The following CASZ1 variants were observed in gnomAD, a reference collection of about 807,000 sequenced individuals.
CASZ1 encodes the protein castor zinc finger 1.
In CASZ1, 28 loss-of-function variants were observed where a neutral mutation model predicts 135.2. That is an observed-to-expected ratio of 0.21 (90% CI 0.15 to 0.28). The LOEUF (loss-of-function observed/expected upper bound fraction) is 0.28, where lower values mean the gene tolerates loss of function less well. CASZ1 is among the 10% of genes least tolerant of loss of function. CASZ1 has a pLI of 1.00. For synonymous variants in CASZ1, 1,068 were observed against 1,073.4 expected, an observed-to-expected ratio of 0.99 and a Z score of 0.10; for missense variants, 2,161 against 2,453.3, an observed-to-expected ratio of 0.88 and a Z score of 2.52.
Position 10,739,987 on chromosome 1 carries a change from G to A in CASZ1, c.-77+20714C>T, listed in dbSNP as rs1377222728. Among the ~76,000 whole-genome samples the A allele has an allele frequency of 6.6e-6, 1 of 152,180 alleles. No homozygotes were observed. Among genetic ancestry groups the A allele is most frequent in the Non-Finnish European group, 1.5e-5 (1 of 68,044 alleles). On this transcript the variant is annotated intron_variant, in intron 2 of 20. Coordinates refer to ENST00000377022, the MANE Select transcript of CASZ1 (RefSeq NM_001079843.3). The surrounding 1 kb of genome is among the most constrained non-coding windows in gnomAD (Gnocchi z 4.8). ...AGCCCATGGACAAGGTCTCATTCCA[G>A]TGGCCCGGTGTCACAGCGTGTCCTC...
intron 17 of CASZ1, 60 bp from the exon 18 acceptor site, chr1:10,645,148 C>T: frequency 7.2e-6 from 11 of 1,520,362 alleles, no homozygotes; most frequent in Non-Finnish European, 9.9e-6. Flanking sequence ...TCCTGCCTGC[C>T]CCGGGCCTGA....
chr1:10,671,620 C>T (rs987220539), intron 4 of CASZ1, among the ~76,000 whole-genome samples: 1 of 152,158 alleles, frequency 6.6e-6, no homozygotes, highest in Non-Finnish European at 1.5e-5. Context: ...CTGCCAAACC[C>T]AAAGGGCCCA....
At chr1:10,748,192 G>A (rs893141464) in intron 2 of CASZ1, among the ~76,000 whole-genome samples, 1 of 152,166 alleles carries the variant, frequency 6.6e-6, no homozygotes, top group Non-Finnish European at 1.5e-5. Flanking sequence ...TGATTGCCAG[G>A]CCCGGCCTGT....
In CASZ1 at chr1:10,640,040, C is replaced by T. The variant is rs1195280769; in HGVS notation, c.4182G>A (p.Pro1394=). The T allele has an allele frequency of 6.2e-7, 1 of 1,608,036 alleles. No homozygotes were observed. The highest frequency in any genetic ancestry group is 2.2e-5 in the East Asian group (1 of 44,864). Reference sequence around the variant, plus strand: ...AGCGCTTTTTGGCCCCCGAGGCTGTCGGCATAGAGATGGTGTTCCCTGGGG... The same window carrying T: ...AGCGCTTTTTGGCCCCCGAGGCTGTTGGCATAGAGATGGTGTTCCCTGGGG... ...STAAGNTISM[P]TASGAKKRFW... is the part of the protein sequence containing the mutation. The change falls in exon 21 of 21, where the codon CCG becomes CCA. Residue 1394 remains proline (P), a synonymous_variant. Transcript: ENST00000377022.
chr1:10,790,857 C>T (rs558357683), intron 1 of CASZ1, among the ~76,000 whole-genome samples: 1 of 151,500 alleles, frequency 6.6e-6, no homozygotes, highest in South Asian at 2.1e-4. Flanking sequence ...CGAGCGAGCC[C>T]TGGAGAATAT....
At chr1:10,702,348 A>G (rs1382079239) in intron 3 of CASZ1, among the ~76,000 whole-genome samples, 1 of 152,160 alleles carries the variant, frequency 6.6e-6, no homozygotes, top group African/African-American at 2.4e-5. Context: ...AGGCCAGTGA[A>G]GGTCAGAGAT....
At chr1:10,748,610 T>C (rs1640092575) in intron 2 of CASZ1, among the ~76,000 whole-genome samples, 2 of 152,142 alleles carry the variant, frequency 1.3e-5, no homozygotes, top group African/African-American at 2.4e-5. Context: ...TCTCTCTCCA[T>C]GGTACCTCTT....
Position 10,665,477 on chromosome 1 carries a change from C to T in CASZ1, c.111G>A (p.Lys37=). ...GGLKLNAICA[K]LSRQVVVEKR... is the part of the protein sequence containing the mutation. Reference sequence around the variant, plus strand: ...TCTCCACCACCACCTGGCGGCTCAGCTTGGCGCAGATGGCGTTCAGCTTCA... The same window carrying T: ...TCTCCACCACCACCTGGCGGCTCAGTTTGGCGCAGATGGCGTTCAGCTTCA... The change falls in exon 5 of 21, where the codon AAG becomes AAA. Residue 37 remains lysine (K), a synonymous_variant. Transcript: ENST00000377022. 1 of 1,608,646 alleles carries T rather than the reference C, an allele frequency of 6.2e-7. No individual in the cohort carries two copies. Among genetic ancestry groups the T allele is most frequent in the Non-Finnish European group, 8.5e-7 (1 of 1,179,742 alleles).
At position 10,638,084 on chromosome 1, in the gene CASZ1, G is replaced by T. The variant is rs1185513323; in HGVS notation, c.*858C>A. The T allele has an allele frequency of 6.6e-6, 1 of 152,326 alleles. No homozygotes were observed. Among genetic ancestry groups the T allele is most frequent in the Non-Finnish European group, 1.5e-5 (1 of 68,036 alleles). The allele number at this position is 152,326 out of a possible 1,614,324, so 9.4% of individuals were successfully genotyped here. On this transcript the variant is annotated 3_prime_UTR_variant, in exon 21 of 21. Coordinates refer to ENST00000377022, the MANE Select transcript of CASZ1 (RefSeq NM_001079843.3). This position sits in a 1 kb window ranked among gnomAD's most constrained non-coding sequence, Gnocchi z 5.9. ...TCCAACCTCAGGCCGGGCCCAGGCG[G>T]GTCTGCACTCTCACCACGCCTGCTT...
chr1:10,638,931 C>T lies in CASZ1; in HGVS notation c.*11G>A. ...GGCCGAGGCCGCCGCCAGGGCCACC[C>T]GCGGGCGCCGCTAGGGCGAGGAGGC... On this transcript the variant is annotated 3_prime_UTR_variant, in exon 21 of 21. Transcript: ENST00000377022. This position sits in a 1 kb window ranked among gnomAD's most constrained non-coding sequence, Gnocchi z 5.9. The T allele has an allele frequency of 3.1e-6, 3 of 980,624 alleles. No homozygotes were observed. Among genetic ancestry groups the T allele is most frequent in the African/African-American group, 1.8e-5 (1 of 56,642 alleles). 60.7% of individuals were successfully genotyped at this position (980,624 alleles called of 1,614,324 possible).
rs1056895613 is a variant in CASZ1, at chr1:10,643,018, T to G, written c.4021-18A>C. ...GGGGGGCCCTGAAAGGACACGGGGG[T>G]CCCTGAGGAAGTGGGGCTGTGGGGT... On this transcript the variant is annotated intron_variant, in intron 19 of 20. Transcript: ENST00000377022. 2 of 1,609,382 alleles carry G rather than the reference T, an allele frequency of 1.2e-6. No homozygotes were observed. Among genetic ancestry groups the G allele is most frequent in the African/African-American group, 2.7e-5 (2 of 74,730 alleles).
chr1:10,668,129 G>A (rs944794961), intron 4 of CASZ1, among the ~76,000 whole-genome samples: 1 of 152,154 alleles, frequency 6.6e-6, no homozygotes, highest in African/African-American at 2.4e-5. Context: ...GTAGGGCTTA[G>A]GTTTGTAAGT....
Position 10,767,041 on chromosome 1 carries a change from G to A in CASZ1, c.-233-6184C>T, listed in dbSNP as rs972553347. ...AGGCAGAGTGGTGGGACCTAGACTC[G>A]CTCTTCCCAAACTTCAGAAGGAAAA... On this transcript the variant is annotated intron_variant, in intron 1 of 20. Coordinates refer to ENST00000377022, the MANE Select transcript of CASZ1 (RefSeq NM_001079843.3). The surrounding 1 kb of genome is among the most constrained non-coding windows in gnomAD (Gnocchi z 4.2). Among the ~76,000 whole-genome samples the A allele has an allele frequency of 3.3e-5, 5 of 152,192 alleles. No individual in the cohort carries two copies. Among genetic ancestry groups the A allele is most frequent in the Admixed American group, 3.3e-4 (5 of 15,274 alleles).
chr1:10,694,550 G>T lies in CASZ1; in HGVS notation c.-23-638C>A, dbSNP rs1386438112. On this transcript the variant is annotated intron_variant, in intron 3 of 20. Transcript: ENST00000377022. The surrounding 1 kb of genome is among the most constrained non-coding windows in gnomAD (Gnocchi z 6.6). ...GCGCCGCCTCCTCGGCCCGGCCCGC[G>T]CCGGCCCCGGCAGGTGAAAGAGCAG... The T allele has an allele frequency of 7.0e-6, 1 of 142,126 alleles. No individual in the cohort carries two copies. The highest frequency in any genetic ancestry group is 1.5e-5 in the Non-Finnish European group (1 of 64,950). The allele number at this position is 142,126 out of a possible 1,614,324, so 8.8% of individuals were successfully genotyped here.
At chr1:10,692,644 A>G (rs1331838152) in intron 4 of CASZ1, among the ~76,000 whole-genome samples, 1 of 152,182 alleles carries the variant, frequency 6.6e-6, no homozygotes, top group Non-Finnish European at 1.5e-5. Context: ...CACAGTCCTC[A>G]AACTCTGCAA....
chr1:10,722,068 C>T (rs1443682285), intron 2 of CASZ1, among the ~76,000 whole-genome samples: 9 of 152,340 alleles, frequency 5.9e-5, no homozygotes, highest in Non-Finnish European at 1.3e-4. Flanking sequence ...ACCAGGCATC[C>T]GCTGTGTCTG....
At chr1:10,769,549 A>T (rs927158298) in intron 1 of CASZ1, among the ~76,000 whole-genome samples, 4 of 152,136 alleles carry the variant, frequency 2.6e-5, no homozygotes, top group African/African-American at 9.6e-5. Context: ...ATGGAGTCTC[A>T]CTCTGTTGCC....
chr1:10,688,664 C>T (rs1638670549), intron 4 of CASZ1, among the ~76,000 whole-genome samples: 1 of 152,172 alleles, frequency 6.6e-6, no homozygotes, highest in Non-Finnish European at 1.5e-5. Context: ...GGAGAGCCTC[C>T]CATGCCTCCT....
chr1:10,687,603 G>A (rs1316286155), intron 4 of CASZ1, among the ~76,000 whole-genome samples: 2 of 152,258 alleles, frequency 1.3e-5, no homozygotes, highest in African/African-American at 2.4e-5. Context: ...GAGGGATCCC[G>A]GAAGCGGGGA....
Sources: gnomAD v4.1 joint callset for allele counts (sites outside exome capture counted in the v4.1 genomes callset) on GRCh38, gnomAD v4.1.1 for gene constraint, Gnocchi (gnomAD v3.1) non-coding constraint, MANE v1.5 for transcripts, NCBI Gene and HGNC (gene_info 2026-07-23, HGNC 2026-07-21) for gene names.